The following PHIP variants were observed in gnomAD, a reference collection of about 807,000 sequenced individuals.
The protein encoded by PHIP is PH-interacting protein.
In PHIP, 54 loss-of-function variants were observed where a neutral mutation model predicts 236.8. The observed-to-expected ratio is 0.23, with a 90% CI of 0.18 to 0.29. The LOEUF (loss-of-function observed/expected upper bound fraction) is 0.29, where lower values mean the gene tolerates loss of function less well. Ranked by LOEUF, PHIP falls within the 10% of genes least tolerant of loss-of-function variation. The pLI, the probability that PHIP is intolerant of heterozygous loss-of-function variation, is 1.00. For missense variants in PHIP, 1,370 were observed against 2,190.8 expected, an observed-to-expected ratio of 0.63 and a Z score of 7.48; for synonymous variants, 756 against 718.9, an observed-to-expected ratio of 1.05 and a Z score of -0.83.
chr6:79,036,986 C>T (rs1417174867), intron 7 of PHIP, among the ~76,000 whole-genome samples: 2 of 146,952 alleles, frequency 1.4e-5, no homozygotes, highest in Admixed American at 1.4e-4. Flanking sequence ...CTCTAAATAT[C>T]GCAGTGTATA....
At chr6:79,064,522 A>G (rs1773529278) in intron 4 of PHIP, among the ~76,000 whole-genome samples, 1 of 152,204 alleles carries the variant, frequency 6.6e-6, no homozygotes, top group African/African-American at 2.4e-5. Flanking sequence ...TTCACCTTCA[A>G]TTATCAATAA....
chr6:79,073,239 TAAGA>T (rs974068652), intron 4 of PHIP, among the ~76,000 whole-genome samples: 1 of 152,200 alleles, frequency 6.6e-6, no homozygotes, highest in African/African-American at 2.4e-5. Context: ...ATTCTATATG[TAAGA>T]AAGAATGAAG....
intron 39 of PHIP, among the ~76,000 whole-genome samples, chr6:78,941,801 TATCA>T (rs1158985878): frequency 6.6e-6 from 1 of 152,154 alleles, no homozygotes; most frequent in Non-Finnish European, 1.5e-5. Flanking sequence ...TATATATATA[TATCA>T]ATCAAAATCA....
chr6:79,025,503 TA>T lies in PHIP; in HGVS notation c.923+15del. On this transcript the variant is annotated intron_variant, in intron 9 of 39. Coordinates refer to ENST00000275034, the MANE Select transcript of PHIP (RefSeq NM_017934.7). ...AACTAAACACATTTAATCTATGAAA[TA>T]AAATAGAAACTGACTTTATTTTAAG... 6.8e-7 allele frequency: 1 copy of T among 1,474,008 alleles called. No homozygotes were observed. The highest frequency in any genetic ancestry group is 9.5e-7 in the Non-Finnish European group (1 of 1,054,064). 91.3% of individuals were successfully genotyped at this position (1,474,008 alleles called of 1,614,324 possible). A position where few individuals can be genotyped will look rare whatever the true frequency, so the allele number is the denominator to read the frequency against.
chr6:79,031,807 G>C (rs889677289), intron 7 of PHIP, among the ~76,000 whole-genome samples: 1 of 152,114 alleles, frequency 6.6e-6, no homozygotes, highest in African/African-American at 2.4e-5. Flanking sequence ...CATGCAGCTG[G>C]ATTTCTTACT....
chr6:78,975,331 T>A (rs1393257724), intron 24 of PHIP, among the ~76,000 whole-genome samples: 1 of 152,232 alleles, frequency 6.6e-6, no homozygotes, highest in African/African-American at 2.4e-5. Flanking sequence ...CAACCTTTCA[T>A]GCTAAAAACT....
At chr6:78,943,569 A>G (rs1428933515) in intron 39 of PHIP, among the ~76,000 whole-genome samples, 1 of 152,218 alleles carries the variant, frequency 6.6e-6, no homozygotes, top group Non-Finnish European at 1.5e-5. Context: ...TATAATGGGC[A>G]TTAAAAATGA....
At position 79,057,937 on chromosome 6, in the gene PHIP, G is replaced by A. The variant is rs534931990; in HGVS notation, c.439+2541C>T. ...AAAATATATACCATGGTGAACTCTA[G>A]CAAAACACAGACACTAACCTATGAC... On this transcript the variant is annotated intron_variant, in intron 6 of 39. Coordinates refer to ENST00000275034, the MANE Select transcript of PHIP (RefSeq NM_017934.7). Among the ~76,000 whole-genome samples, 4 of 152,146 alleles carry A rather than the reference G, an allele frequency of 2.6e-5. No individual in the cohort carries two copies. The East Asian group carries it at 7.7e-4, about 29-fold the overall frequency.
chr6:78,965,414 T>C (rs1767064508), intron 29 of PHIP, among the ~76,000 whole-genome samples: 1 of 152,226 alleles, frequency 6.6e-6, no homozygotes, highest in African/African-American at 2.4e-5. Context: ...CAAAAGTGTC[T>C]CTGCCTCCCA....
At position 78,940,500 on chromosome 6, in the gene PHIP, A is replaced by ATATATATATGTATATATT. The variant is rs1242536532; in HGVS notation, c.*192_*193insAATATATACATATATATA. 2 of 42,350 alleles carry ATATATATATGTATATATT rather than the reference A, an allele frequency of 4.7e-5. No homozygotes were observed. The highest frequency in any genetic ancestry group is 1.2e-4 in the African/African-American group (2 of 16,614). The allele number at this position is 42,350 out of a possible 1,614,324, so 2.6% of individuals were successfully genotyped here. Reference sequence around the variant, plus strand: ...TTAAAATATATATGTATATATTTATATATATATATATATATTCATTTAAAG... The same window carrying ATATATATATGTATATATT: ...TTAAAATATATATGTATATATTTATATATATATATGTATATATTTATATATATATATATTCATTTAAAG... On this transcript the variant is annotated 3_prime_UTR_variant, in exon 40 of 40. Coordinates refer to ENST00000275034, the MANE Select transcript of PHIP (RefSeq NM_017934.7).
intron 7 of PHIP, among the ~76,000 whole-genome samples, chr6:79,027,389 A>G (rs7742034): frequency 0.45 from 68,471 of 151,932 alleles, 16,106 homozygotes; most frequent in East Asian, 0.7. Flanking sequence ...AACTATCCAT[A>G]TTGTTGTCTA....
chr6:78,949,717 T>A (rs902690606), intron 35 of PHIP, among the ~76,000 whole-genome samples: 2 of 151,546 alleles, frequency 1.3e-5, no homozygotes, highest in Middle Eastern at 3.2e-3. Context: ...TGAGATAGGG[T>A]CTCACTCTAT....
At chr6:79,027,057 C>G (rs994058164) in intron 7 of PHIP, among the ~76,000 whole-genome samples, 1 of 152,004 alleles carries the variant, frequency 6.6e-6, no homozygotes, top group African/African-American at 2.4e-5. Flanking sequence ...GCTTAACGAC[C>G]TTCCAATCTA....
At chr6:78,973,177 T>G (rs1582140922) in intron 24 of PHIP, among the ~76,000 whole-genome samples, 2 of 152,180 alleles carry the variant, frequency 1.3e-5, no homozygotes, top group African/African-American at 4.8e-5. Flanking sequence ...ACAGCGGATC[T>G]CTCAGCAGAA....
Position 78,936,272 on chromosome 6 carries a change from T to C in PHIP, c.*4421A>G, listed in dbSNP as rs935057029. 1 of 151,986 alleles carries C rather than the reference T, an allele frequency of 6.6e-6. No individual in the cohort carries two copies. The highest frequency in any genetic ancestry group is 1.5e-5 in the Non-Finnish European group (1 of 67,844). The allele number at this position is 151,986 out of a possible 1,614,324, so 9.4% of individuals were successfully genotyped here. On this transcript the variant is annotated 3_prime_UTR_variant, in exon 40 of 40. Coordinates refer to ENST00000275034, the MANE Select transcript of PHIP (RefSeq NM_017934.7). Reference sequence around the variant, plus strand: ...TGTGTCAGTTTCAACTTTCACCCTCTAGGTCAGTTACTTTTTAAAAATTGA... The same window carrying C: ...TGTGTCAGTTTCAACTTTCACCCTCCAGGTCAGTTACTTTTTAAAAATTGA...
intron 23 of PHIP, among the ~76,000 whole-genome samples, chr6:78,981,432 A>G (rs1001471653): frequency 1.2e-4 from 18 of 152,028 alleles, no homozygotes; most frequent in African/African-American, 4.3e-4. Context: ...CAGTATCCTA[A>G]CCTTACCATA....
intron 15 of PHIP, chr6:79,004,357 A>C: frequency 1.0e-6 from 1 of 972,366 alleles, no homozygotes; most frequent in Non-Finnish European, 1.2e-6. Flanking sequence ...AAGGTTAAAG[A>C]AAAGGTTTTT....
At position 78,940,930 on chromosome 6, in the gene PHIP, T is replaced by C; in HGVS notation, c.5229A>G (p.Arg1743=). 1 of 1,614,064 alleles carries C rather than the reference T, an allele frequency of 6.2e-7. No homozygotes were observed. The highest frequency in any genetic ancestry group is 8.5e-7 in the Non-Finnish European group (1 of 1,179,950). Residue 1743 remains arginine (R), a synonymous_variant, in exon 40 of 40, where the codon CGA becomes CGG. Coordinates refer to ENST00000275034, the MANE Select transcript of PHIP (RefSeq NM_017934.7). ...CATCTATAGGATCATCTATCTTTTT[T>C]CGGTTACTTCTCCTTAACACTTTGA... is the stretch of plus-strand genomic sequence containing the variant. ...ASVKVLRRSN[R]KKIDDPIDEE...
intron 37 of PHIP, 64 bp from the exon 38 acceptor site, chr6:78,946,324 T>C (rs1773816481): frequency 6.7e-7 from 1 of 1,486,742 alleles, no homozygotes; most frequent in South Asian, 1.3e-5. Context: ...AAACAGTTTA[T>C]AATATTTTTG....
Sources: allele counts gnomAD v4.1 joint callset (sites outside exome capture counted in the v4.1 genomes callset), GRCh38; gene constraint gnomAD v4.1.1; transcripts MANE v1.5; gene names NCBI Gene and HGNC (gene_info 2026-07-23, HGNC 2026-07-21).